CNTN1: variants seen among roughly 807,000 people sequenced by gnomAD.
CNTN1 encodes contactin-1.
Under a neutral mutation model 126.4 loss-of-function variants are expected in CNTN1, and 38 were observed. The ratio of observed to expected loss-of-function variants is 0.30; its 90% CI spans 0.23 to 0.39. The LOEUF (loss-of-function observed/expected upper bound fraction) is 0.39, where lower values mean the gene tolerates loss of function less well. CNTN1 is among the 10% of genes least tolerant of loss of function. The pLI, the probability that CNTN1 is intolerant of heterozygous loss-of-function variation, is 1.00. For synonymous variants in CNTN1, 413 were observed against 422.6 expected (o/e 0.98, Z 0.28); for missense variants, 1,009 against 1,248.4 (o/e 0.81, Z 2.89).
At chr12:40,953,276 G>C (rs577550508) in intron 14 of CNTN1, among the ~76,000 whole-genome samples, 1 of 152,096 alleles carries the variant, frequency 6.6e-6, no homozygotes, top group African/African-American at 2.4e-5. Context: ...CTCATCTGAA[G>C]GGAGGAATTT....
intron 1 of CNTN1, among the ~76,000 whole-genome samples, chr12:40,712,118 C>T (rs1941929093): frequency 1.3e-5 from 2 of 152,238 alleles, no homozygotes; most frequent in East Asian, 1.9e-4. Flanking sequence ...TTTATTAAAG[C>T]TGCACTTTAC....
At chr12:40,722,413 A>G (rs1219340494) in intron 1 of CNTN1, among the ~76,000 whole-genome samples, 1 of 152,108 alleles carries the variant, frequency 6.6e-6, no homozygotes, top group Non-Finnish European at 1.5e-5. Context: ...TAAAAATTAT[A>G]AAAAATACCT....
chr12:41,062,988 T>C (rs1949969309), intron 23 of CNTN1, among the ~76,000 whole-genome samples: 1 of 152,154 alleles, frequency 6.6e-6, no homozygotes, highest in South Asian at 2.1e-4. Flanking sequence ...AAAACAAAGC[T>C]CTTCACCATA....
At chr12:40,787,082 T>C (rs1940050727) in intron 1 of CNTN1, among the ~76,000 whole-genome samples, 1 of 152,182 alleles carries the variant, frequency 6.6e-6, no homozygotes, top group Non-Finnish European at 1.5e-5. Context: ...TTAAAAAATC[T>C]GCCTCTATAT....
intron 1 of CNTN1, among the ~76,000 whole-genome samples, chr12:40,831,792 G>A (rs1941850280): frequency 6.6e-6 from 1 of 152,054 alleles, no homozygotes; most frequent in African/African-American, 2.4e-5. Flanking sequence ...TAGGTACTCT[G>A]GTTTTGTAGA....
chr12:40,915,415 G>T (rs1265416149), intron 3 of CNTN1, among the ~76,000 whole-genome samples: 1 of 152,106 alleles, frequency 6.6e-6, no homozygotes, highest in Non-Finnish European at 1.5e-5. Context: ...CACTTTAGAA[G>T]CAGACACTAG....
chr12:40,958,097 T>G (rs376997505), intron 14 of CNTN1, among the ~76,000 whole-genome samples: 116 of 152,196 alleles, frequency 7.6e-4, no homozygotes, highest in African/African-American at 2.7e-3. Context: ...TTTTCCAAGT[T>G]TTCATTCTAA....
intron 1 of CNTN1, among the ~76,000 whole-genome samples, chr12:40,789,732 T>G (rs1472174698): frequency 6.6e-6 from 1 of 152,188 alleles, no homozygotes; most frequent in East Asian, 1.9e-4. Context: ...GTGTTGAATT[T>G]TGAACTTTTC....
chr12:41,048,898 C>T (rs1949609019), intron 23 of CNTN1, among the ~76,000 whole-genome samples: 1 of 152,174 alleles, frequency 6.6e-6, no homozygotes, highest in South Asian at 2.1e-4. Flanking sequence ...TCTTCACCAC[C>T]TAATTCCTCT....
At chr12:40,780,920 T>A (rs1347563980) in intron 1 of CNTN1, among the ~76,000 whole-genome samples, 2 of 37,910 alleles carry the variant, frequency 5.3e-5, no homozygotes, top group African/African-American at 1.1e-4. Context: ...GATGGAAATC[T>A]TTTTTTTTTT....
chr12:40,852,681 G>T (rs548290043), intron 1 of CNTN1, among the ~76,000 whole-genome samples: 1 of 151,640 alleles, frequency 6.6e-6, no homozygotes, highest in Non-Finnish European at 1.5e-5. Flanking sequence ...CAATATTTGC[G>T]TTCCATCACT....
intron 23 of CNTN1, among the ~76,000 whole-genome samples, chr12:41,039,061 A>C (rs1377516903): frequency 1.3e-5 from 2 of 152,218 alleles, no homozygotes; most frequent in East Asian, 3.8e-4. Context: ...CATGAGGTGA[A>C]TCTGAATCAT....
chr12:40,846,305 A>G (rs1942498597), intron 1 of CNTN1, among the ~76,000 whole-genome samples: 1 of 152,154 alleles, frequency 6.6e-6, no homozygotes, highest in African/African-American at 2.4e-5. Context: ...CGTCTCTACT[A>G]AAAATACAAA....
intron 1 of CNTN1, among the ~76,000 whole-genome samples, chr12:40,821,605 A>G (rs1592125138): frequency 6.6e-6 from 1 of 152,190 alleles, no homozygotes; most frequent in Non-Finnish European, 1.5e-5. Flanking sequence ...TTTGAAAACT[A>G]TTTGAAACAT....
At chr12:40,902,327 G>A (rs1944637686) in intron 1 of CNTN1, among the ~76,000 whole-genome samples, 1 of 152,156 alleles carries the variant, frequency 6.6e-6, no homozygotes, top group Non-Finnish European at 1.5e-5. Context: ...ATTTCAGATC[G>A]AGTCTGAGAG....
At chr12:40,696,931 A>G (rs1267193012) in intron 1 of CNTN1, among the ~76,000 whole-genome samples, 1 of 152,196 alleles carries the variant, frequency 6.6e-6, no homozygotes, top group East Asian at 1.9e-4. Context: ...TACAGTGAAC[A>G]TTCACTTTTG....
At chr12:40,823,160 C>A (rs965311339) in intron 1 of CNTN1, among the ~76,000 whole-genome samples, 1 of 151,960 alleles carries the variant, frequency 6.6e-6, no homozygotes, top group Non-Finnish European at 1.5e-5. Flanking sequence ...TTATAATTTT[C>A]TTTTCTATCT....
intron 1 of CNTN1, among the ~76,000 whole-genome samples, chr12:40,787,690 AT>A (rs1300372734): frequency 5.7e-5 from 3 of 52,862 alleles, no homozygotes. Flanking sequence ...ATAAAATAAA[AT>A]AACTGTGAAT....
intron 1 of CNTN1, among the ~76,000 whole-genome samples, chr12:40,870,030 T>C (rs1050215643): frequency 6.6e-6 from 1 of 152,142 alleles, no homozygotes; most frequent in African/African-American, 2.4e-5. Flanking sequence ...TGAGTGGGTC[T>C]CACAAGATCT....
Sources: gnomAD v4.1 joint callset for allele counts (sites outside exome capture counted in the v4.1 genomes callset) on GRCh38, gnomAD v4.1.1 for gene constraint, MANE v1.5 for transcripts, NCBI Gene and HGNC (gene_info 2026-07-23, HGNC 2026-07-21) for gene names.